The following STARD9 variants were observed in gnomAD, a reference collection of about 807,000 sequenced individuals.
The protein encoded by STARD9 is stAR-related lipid transfer protein 9.
A neutral mutation model predicts 399.8 loss-of-function variants in STARD9; 346 were observed. That is an observed-to-expected ratio of 0.87 (90% confidence interval 0.79 to 0.95). The LOEUF is 0.95. Ranked by LOEUF, STARD9 falls within the 40% of genes least tolerant of loss-of-function variation. The probability of loss-of-function intolerance (pLI) is 0.00; values close to 1 mark genes in which losing one functional copy is unlikely to be tolerated. For missense variants in STARD9, 5,832 were observed against 5,667.5 expected (o/e 1.03, Z -0.93); for synonymous variants, 2,203 against 2,143.5 (o/e 1.03, Z -0.77).
intron 7 of STARD9, among the ~76,000 whole-genome samples, chr15:42,650,374 G>T (rs2059735772): frequency 6.6e-6 from 1 of 152,170 alleles, no homozygotes; most frequent in Admixed American, 6.5e-5. Flanking sequence ...TTGGGACTTG[G>T]TCAGTAACCA....
At chr15:42,653,511 A>G (rs1197092126) in intron 9 of STARD9, among the ~76,000 whole-genome samples, 2 of 152,222 alleles carry the variant, frequency 1.3e-5, no homozygotes, top group Non-Finnish European at 2.9e-5. Flanking sequence ...ACAAAGAGAA[A>G]ATCTTAAAAA....
At position 42,688,534 on chromosome 15, in the gene STARD9, G is replaced by A. The variant is rs539737211; in HGVS notation, c.6956G>A (p.Arg2319Gln). The change falls in exon 23 of 33, where the codon CGG becomes CAG. Residue 2319 changes from arginine (R) to glutamine (Q), a missense_variant. Physicochemically the swap from Arg to Gln is conservative, Grantham distance 43. Around this residue, in one of 2 missense-constraint regions of STARD9, gnomAD observed 5,828 missense variants for 5,651.1 expected, o/e 1.03. Transcript: ENST00000290607. ...RQETVSPLLSRTEFCTAPLHQ... is the reference protein window; with the variant it reads ...RQETVSPLLSQTEFCTAPLHQ... The stretch of plus-strand genomic sequence containing the variant: ...GAAACTGTCAGCCCATTACTAAGCC[G>A]GACAGAATTCTGTACAGCTCCTCTT... 41 of 1,537,756 alleles carry A rather than the reference G, an allele frequency of 2.7e-5. 1 individual carries two copies. The East Asian group carries it at 3.4e-4, about 13-fold the overall frequency.
At chr15:42,659,357 C>T (rs2059946662) in intron 9 of STARD9, among the ~76,000 whole-genome samples, 1 of 152,126 alleles carries the variant, frequency 6.6e-6, no homozygotes, top group African/African-American at 2.4e-5. Flanking sequence ...TAGGGAAATA[C>T]AAATTAGAAC....
Position 42,686,007 on chromosome 15 carries a change from G to A in STARD9, c.4429G>A (p.Gly1477Ser), listed in dbSNP as rs563655480. ...CTCTGCCACCACCTTGACTCATGTA[G>A]GCAGCACCCATGAAAGGGATTGGTC... ...AASATTLTHV[G>S]STHERDWSAL... The change falls in exon 23 of 33, where the codon GGC becomes AGC. Residue 1477 changes from glycine (G) to serine (S), a missense_variant. By Grantham distance (56) the Gly-to-Ser change is moderately conservative. This residue lies in a region of STARD9 where 5,828 missense variants were observed against 5,651.1 expected (regional missense o/e 1.03). Coordinates refer to ENST00000290607, the MANE Select transcript of STARD9 (RefSeq NM_020759.3). 2.6e-6 allele frequency: 4 copies of A among 1,537,296 alleles called. No homozygotes were observed. Among genetic ancestry groups the A allele is most frequent in the African/African-American group, 2.7e-5 (2 of 73,154 alleles).
chr15:42,706,742 A>T (rs2061095778), intron 26 of STARD9, among the ~76,000 whole-genome samples: 1 of 151,910 alleles, frequency 6.6e-6, no homozygotes, highest in African/African-American at 2.4e-5. Context: ...GAGCCACCAC[A>T]CCTGGCTTTT....
intron 15 of STARD9, among the ~76,000 whole-genome samples, chr15:42,666,279 A>G (rs948181769): frequency 3.9e-5 from 6 of 152,202 alleles, no homozygotes; most frequent in African/African-American, 1.4e-4. Context: ...GATTTAGCTG[A>G]AAGAGTCTAG....
In STARD9 at chr15:42,693,257, C is replaced by A; in HGVS notation, c.11679C>A (p.Phe3893Leu). Residue 3893 changes from phenylalanine to leucine, a missense_variant, in exon 23 of 33, where the codon TTC (phenylalanine) becomes TTA (leucine). Phe to Leu is a conservative substitution (Grantham distance 22, BLOSUM62 0). Transcript: ENST00000290607. Reference sequence around the variant, plus strand: ...AGCTGGGCCCCACAAGTGCTTTGTTCGTGGACAGGGCCTCCTCCCCAATCC... The same window carrying A: ...AGCTGGGCCCCACAAGTGCTTTGTTAGTGGACAGGGCCTCCTCCCCAATCC... ...QKKLGPTSAL[F>L]VDRASSPILT... 6 of 1,537,012 alleles carry A rather than the reference C, an allele frequency of 3.9e-6. No homozygotes were observed. Among genetic ancestry groups the A allele is most frequent in the Non-Finnish European group, 4.4e-6 (5 of 1,146,860 alleles).
intron 3 of STARD9, among the ~76,000 whole-genome samples, chr15:42,615,261 C>T (rs992453376): frequency 2.0e-5 from 3 of 151,940 alleles, no homozygotes; most frequent in Non-Finnish European, 4.4e-5. Flanking sequence ...CCGATGCCTC[C>T]GCCTCCCAAA....
intron 3 of STARD9, among the ~76,000 whole-genome samples, chr15:42,627,515 C>T (rs530679136): frequency 3.3e-5 from 5 of 152,240 alleles, no homozygotes; most frequent in East Asian, 3.9e-4. Context: ...GTAGTAATCA[C>T]GTTATGCTAT....
In STARD9 at chr15:42,694,293, C is replaced by T. The variant is rs2060789511; in HGVS notation, c.12715C>T (p.Leu4239Phe). Residue 4239 changes from leucine to phenylalanine, a missense_variant, in exon 23 of 33, where the codon CTT becomes TTT. Around this residue, in one of 2 missense-constraint regions of STARD9, gnomAD observed 5,828 missense variants for 5,651.1 expected, o/e 1.03. Coordinates refer to ENST00000290607, the MANE Select transcript of STARD9 (RefSeq NM_020759.3). ...QVLQSGTGEA[L>F]AADEPVTSTW... ...GCTGCAGAGTGGGACAGGGGAGGCG[C>T]TTGCTGCTGATGAACCTGTGACATC... The T allele has an allele frequency of 2.0e-6, 3 of 1,517,840 alleles. No homozygotes were observed. Among genetic ancestry groups the T allele is most frequent in the Non-Finnish European group, 1.8e-6 (2 of 1,136,804 alleles). 94.0% of individuals were successfully genotyped at this position (1,517,840 alleles called of 1,614,324 possible).
At chr15:42,639,087 G>A (rs992685418) in intron 7 of STARD9, among the ~76,000 whole-genome samples, 1 of 152,250 alleles carries the variant, frequency 6.6e-6, no homozygotes, top group Non-Finnish European at 1.5e-5. Flanking sequence ...GTTGGAAAGT[G>A]TTGGTGGCCC....
intron 16 of STARD9, chr15:42,671,143 T>C (rs2060195569): frequency 6.9e-6 from 1 of 145,016 alleles, no homozygotes; most frequent in African/African-American, 2.6e-5. Context: ...TTTTTTTTTT[T>C]TTTTTTTGAG....
At chr15:42,703,477 C>T (rs1390949684) in intron 26 of STARD9, among the ~76,000 whole-genome samples, 1 of 151,518 alleles carries the variant, frequency 6.6e-6, no homozygotes, top group Non-Finnish European at 1.5e-5. Flanking sequence ...AATTCTCCTG[C>T]CTCAGCCTCC....
intron 9 of STARD9, among the ~76,000 whole-genome samples, chr15:42,658,722 A>G (rs1032455990): frequency 1.3e-5 from 2 of 149,998 alleles, no homozygotes; most frequent in African/African-American, 4.9e-5. Flanking sequence ...ATCTCAAGCA[A>G]TCCAGTTTGC....
chr15:42,642,832 A>G (rs908022916), intron 7 of STARD9, among the ~76,000 whole-genome samples: 3 of 152,054 alleles, frequency 2.0e-5, no homozygotes, highest in Admixed American at 6.6e-5. Flanking sequence ...AGAGTCTCAC[A>G]CTGTCATCCA....
chr15:42,698,813 G>A (rs958565037), intron 26 of STARD9, among the ~76,000 whole-genome samples: 18 of 151,812 alleles, frequency 1.2e-4, no homozygotes, highest in African/African-American at 4.1e-4. Context: ...TTCATATGAG[G>A]TATGGATCCG....
chr15:42,583,229 C>T (rs898493896), intron 1 of STARD9, 117 bp from the exon 2 acceptor site: 11 of 683,468 alleles, frequency 1.6e-5, no homozygotes, highest in East Asian at 5.6e-5. Flanking sequence ...TGGAGACAGA[C>T]GCTTCTCTTA....
chr15:42,693,750 A>G lies in STARD9; in HGVS notation c.12172A>G (p.Asn4058Asp), dbSNP rs1270650379. Residue 4058 changes from asparagine (N) to aspartate (D), a missense_variant, in exon 23 of 33, where the codon AAT becomes GAT. Asn to Asp is a conservative substitution (Grantham distance 23, BLOSUM62 1). This residue lies in a region of STARD9 where 5,828 missense variants were observed against 5,651.1 expected (regional missense o/e 1.03). Transcript: ENST00000290607. The stretch of plus-strand genomic sequence containing the variant: ...AAGTCAGTGGCAGAGCAGGACAGAA[A>G]ATGGAGGTGAGAGTTCAGCATCTCC... ...EPSQWQSRTE[N>D]GGESSASPGE... 6.5e-7 allele frequency: 1 copy of G among 1,536,554 alleles called. No individual in the cohort carries two copies. Among genetic ancestry groups the G allele is most frequent in the Non-Finnish European group, 8.7e-7 (1 of 1,146,848 alleles).
At position 42,687,092 on chromosome 15, in the gene STARD9, T is replaced by A. The variant is rs113012245; in HGVS notation, c.5514T>A (p.Asn1838Lys). The A allele has an allele frequency of 1.3e-4, 200 of 1,537,242 alleles. 1 individual carries two copies. In the African/African-American group the frequency reaches 2.2e-3, roughly 17 times the overall value. The change falls in exon 23 of 33, where the codon AAT becomes AAA. Residue 1838 changes from asparagine (N) to lysine (K), a missense_variant. Asn to Lys is a moderately conservative substitution (Grantham distance 94). Coordinates refer to ENST00000290607, the MANE Select transcript of STARD9 (RefSeq NM_020759.3). ...GAGAATCAGGTAAATGCCCTGGAAA[T>A]ATTACAGAAGAAAGCCATGATTCAG... ...VIRESGKCPG[N>K]ITEESHDSVY...
Sources: gnomAD v4.1 joint callset for allele counts (sites outside exome capture counted in the v4.1 genomes callset) on GRCh38, gnomAD v4.1.1 for gene constraint, gnomAD v4.1.1 regional missense constraint, MANE v1.5 for transcripts, NCBI Gene and HGNC (gene_info 2026-07-23, HGNC 2026-07-21) for gene names.